The following FBLN2 variants were observed in gnomAD, a reference collection of about 807,000 sequenced individuals.
FBLN2 encodes the protein fibulin 2.
A neutral mutation model predicts 123.7 loss-of-function variants in FBLN2; 81 were observed. The ratio of observed to expected loss-of-function variants is 0.65; its 90% CI spans 0.55 to 0.79. The LOEUF is 0.79. Ranked by LOEUF, FBLN2 falls within the 30% of genes least tolerant of loss-of-function variation. The probability of loss-of-function intolerance (pLI) is 0.00; values close to 1 mark genes in which losing one functional copy is unlikely to be tolerated. For missense variants in FBLN2, 1,603 were observed against 1,681.3 expected, an observed-to-expected ratio of 0.95 and a Z score of 0.81; for synonymous variants, 699 against 701.4, an observed-to-expected ratio of 1.00 and a Z score of 0.05.
intron 2 of FBLN2, among the ~76,000 whole-genome samples, chr3:13,576,880 A>C (rs1239253730): frequency 6.6e-6 from 1 of 152,216 alleles, no homozygotes; most frequent in African/African-American, 2.4e-5. Flanking sequence ...AGAAAACAGT[A>C]AACAAGTCCA....
At chr3:13,608,779 A>C (rs942188528) in intron 3 of FBLN2, among the ~76,000 whole-genome samples, 1 of 152,188 alleles carries the variant, frequency 6.6e-6, no homozygotes, top group Non-Finnish European at 1.5e-5. Context: ...AAGAAAGATT[A>C]AGTTCAGAGA....
At chr3:13,636,408 C>T in intron 16 of FBLN2, 37 bp from the exon 17 acceptor site, 2 of 1,608,194 alleles carry the variant, frequency 1.2e-6, no homozygotes, top group Non-Finnish European at 1.7e-6. Flanking sequence ...GGTCCCCCAG[C>T]TGTGGGGACC....
At chr3:13,578,987 G>A (rs1218115100) in intron 2 of FBLN2, among the ~76,000 whole-genome samples, 2 of 152,212 alleles carry the variant, frequency 1.3e-5, no homozygotes, top group Admixed American at 1.3e-4. Context: ...CCTAGGAGGC[G>A]GAGGTTGTGG....
At chr3:13,564,616 A>G (rs1703691026) in intron 1 of FBLN2, among the ~76,000 whole-genome samples, 1 of 152,206 alleles carries the variant, frequency 6.6e-6, no homozygotes, top group South Asian at 2.1e-4. Flanking sequence ...GCTGGATCTC[A>G]TCAGAGCCAG....
Position 13,627,798 on chromosome 3 carries a change from CCCCAGCCCTTGACA to C in FBLN2, c.2432-26_2432-13del, listed in dbSNP as rs1559426147. ...GCTGAGTGTAAAGGCAGGACCTGCC[CCCCAGCCCTTGACA>C]CCCAGCCTCTCCGCTGCAGACGTGG... On this transcript the variant is annotated intron_variant, in intron 10 of 17. Coordinates refer to ENST00000404922, the MANE Select transcript of FBLN2 (RefSeq NM_001004019.2). 3.1e-6 allele frequency: 5 copies of C among 1,596,810 alleles called. No homozygotes were observed. Among genetic ancestry groups the C allele is most frequent in the Non-Finnish European group, 4.3e-6 (5 of 1,171,316 alleles).
chr3:13,597,113 G>A (rs1365410589), intron 2 of FBLN2, among the ~76,000 whole-genome samples: 3 of 151,970 alleles, frequency 2.0e-5, no homozygotes, highest in Non-Finnish European at 4.4e-5. Flanking sequence ...TAAATTTTTT[G>A]TAGAGATGGA....
intron 1 of FBLN2, among the ~76,000 whole-genome samples, chr3:13,564,672 T>C (rs2125038069): frequency 6.6e-6 from 1 of 152,298 alleles, no homozygotes. Flanking sequence ...CCTGATCCAG[T>C]GTCATATCCT....
chr3:13,581,540 C>T (rs1183409498), intron 2 of FBLN2, among the ~76,000 whole-genome samples: 2 of 152,164 alleles, frequency 1.3e-5, no homozygotes, highest in Non-Finnish European at 1.5e-5. Context: ...CAGACTCTTG[C>T]ACCTGGGCTC....
chr3:13,563,236 C>T (rs1703658812), intron 1 of FBLN2, among the ~76,000 whole-genome samples: 1 of 152,212 alleles, frequency 6.6e-6, no homozygotes, highest in African/African-American at 2.4e-5. Flanking sequence ...TGTGTCTGTG[C>T]TCAGTAAACT....
chr3:13,637,717 C>T lies in FBLN2; in HGVS notation c.3494C>T (p.Ala1165Val). The part of the protein sequence containing the change: ...PAPAFTGDTI[A>V]LNIIKGNEEG... ...CCAGCCTTCACGGGGGACACCATCGCCCTGAACATCATCAAGGGCAATGAG... is the reference window on the plus strand; with the variant it reads ...CCAGCCTTCACGGGGGACACCATCGTCCTGAACATCATCAAGGGCAATGAG... The change falls in exon 18 of 18, where the codon GCC becomes GTC. Residue 1165 changes from alanine to valine, a missense_variant. Transcript: ENST00000404922. 6.2e-7 allele frequency: 1 copy of T among 1,614,014 alleles called. No homozygotes were observed. Among genetic ancestry groups the T allele is most frequent in the Non-Finnish European group, 8.5e-7 (1 of 1,179,882 alleles).
At chr3:13,609,153 G>A (rs1196672054) in intron 3 of FBLN2, among the ~76,000 whole-genome samples, 1 of 152,254 alleles carries the variant, frequency 6.6e-6, no homozygotes, top group Non-Finnish European at 1.5e-5. Context: ...GTGACTGGCA[G>A]GCAGTGACCA....
In FBLN2 at chr3:13,628,930, C is replaced by T. The variant is rs374811722; in HGVS notation, c.2595C>T (p.Ser865=). The change falls in exon 12 of 18, where the codon TCC becomes TCT. Residue 865 remains serine (S), a synonymous_variant. Transcript: ENST00000404922. ...ACATCAACGAGTGCACGTCACTGTC[C>T]GAGCCATGTCGGCCAGGCTTCAGCT... The part of the protein sequence containing the change: ...CVDINECTSL[S]EPCRPGFSCI... The T allele has an allele frequency of 4.7e-4, 758 of 1,612,632 alleles. 8 individuals carry two copies. The South Asian group carries it at 7.6e-3, about 16-fold the overall frequency.
rs555512922 is a variant in FBLN2, at chr3:13,600,242, T to G, written c.1307-7820T>G. 2.0e-5 allele frequency among the ~76,000 whole-genome samples: 3 copies of G among 152,218 alleles called. No homozygotes were observed. The South Asian group carries it at 6.2e-4, about 32-fold the overall frequency. On this transcript the variant is annotated intron_variant, in intron 2 of 17. Transcript: ENST00000404922. The stretch of plus-strand genomic sequence containing the variant: ...CTCATCGTGCTGGGCTTTGCCTGGC[T>G]CTGCCTCCCACATTTTGGATGGCAC...
intron 2 of FBLN2, among the ~76,000 whole-genome samples, chr3:13,593,893 C>T (rs1180927101): frequency 6.6e-6 from 1 of 152,130 alleles, no homozygotes; most frequent in African/African-American, 2.4e-5. Context: ...TTCTTCTTCT[C>T]TCAGCCCTGG....
intron 2 of FBLN2, among the ~76,000 whole-genome samples, chr3:13,599,965 C>T (rs1275558674): frequency 6.7e-6 from 1 of 150,284 alleles, no homozygotes; most frequent in Non-Finnish European, 1.5e-5. Flanking sequence ...AGAGAAGAAG[C>T]CCCAGGGTTG....
chr3:13,559,511 T>C (rs1029078796), intron 1 of FBLN2, among the ~76,000 whole-genome samples: 10 of 152,184 alleles, frequency 6.6e-5, no homozygotes, highest in African/African-American at 2.4e-4. Flanking sequence ...GTGGGTCTTA[T>C]AGTCTCTAAT....
At chr3:13,573,878 C>T (rs111828615) in intron 2 of FBLN2, among the ~76,000 whole-genome samples, 5 of 123,484 alleles carry the variant, frequency 4.0e-5, no homozygotes, top group African/African-American at 6.5e-5. Flanking sequence ...CCAGCCTGGG[C>T]GACAAGAGTG....
At chr3:13,556,117 C>G (rs1703456957) in intron 1 of FBLN2, among the ~76,000 whole-genome samples, 1 of 152,198 alleles carries the variant, frequency 6.6e-6, no homozygotes, top group African/African-American at 2.4e-5. Context: ...CTCTGTGCCC[C>G]CAGCTCCGTG....
intron 5 of FBLN2, among the ~76,000 whole-genome samples, chr3:13,617,143 A>ATCCATACATCCATCC (rs1553621511): frequency 7.4e-6 from 1 of 134,538 alleles, no homozygotes; most frequent in East Asian, 2.0e-4. Context: ...TCCATTCATC[A>ATCCATACATCCATCC]ATCCATCCAT....
Sources: allele counts gnomAD v4.1 joint callset (sites outside exome capture counted in the v4.1 genomes callset), GRCh38; gene constraint gnomAD v4.1.1; transcripts MANE v1.5; gene names NCBI Gene and HGNC (gene_info 2026-07-23, HGNC 2026-07-21).